LEMD1: variants seen among roughly 807,000 people sequenced by gnomAD.
LEMD1 encodes LEM domain-containing protein 1.
LEMD1 carries 18 observed loss-of-function variants against 17.4 expected under a neutral mutation model. The observed-to-expected ratio is 1.04, with a 90% CI of 0.72 to 1.54. The LOEUF is 1.54. Ranked by LOEUF, LEMD1 falls within the 40% of genes most tolerant of loss-of-function variation. The probability of loss-of-function intolerance (pLI) is 0.00; values close to 1 mark genes in which losing one functional copy is unlikely to be tolerated. For missense variants in LEMD1, 195 were observed against 210.4 expected, an observed-to-expected ratio of 0.93 and a Z score of 0.45; for synonymous variants, 88 against 77.8, an observed-to-expected ratio of 1.13 and a Z score of -0.69.
intron 4 of LEMD1, among the ~76,000 whole-genome samples, chr1:205,402,486 A>G (rs6657247): frequency 0.022 from 3,351 of 152,272 alleles, 138 homozygotes; most frequent in African/African-American, 0.077. Context: ...GAGTTCATTC[A>G]TGATTTGGCT....
At chr1:205,429,906 C>T (rs781014724) in intron 1 of LEMD1, among the ~76,000 whole-genome samples, 1 of 152,160 alleles carries the variant, frequency 6.6e-6, no homozygotes, top group South Asian at 2.1e-4. Context: ...CAGCCGGCAG[C>T]CAGGCCGCGG....
intron 1 of LEMD1, among the ~76,000 whole-genome samples, chr1:205,449,392 GC>G (rs1208680684): frequency 1.3e-5 from 2 of 152,144 alleles, no homozygotes; most frequent in East Asian, 3.9e-4. Flanking sequence ...TCTCCCAGGG[GC>G]CCCCAAGAAG....
intron 4 of LEMD1, among the ~76,000 whole-genome samples, chr1:205,390,734 G>A (rs1348619268): frequency 1.3e-5 from 2 of 152,126 alleles, no homozygotes; most frequent in Non-Finnish European, 2.9e-5. Context: ...ATTCCCAATG[G>A]AGCAAAAATT....
At chr1:205,382,575 A>T (rs7528008) in intron 5 of LEMD1, among the ~76,000 whole-genome samples, 22,790 of 152,110 alleles carry the variant, frequency 0.15, 1,840 homozygotes, top group East Asian at 0.24. Flanking sequence ...TAATTTCAAC[A>T]AGTGATACTA....
rs1485804032 is a variant in LEMD1 at position 205,401,505 on chromosome 1, G to A, written c.270+14727C>T. 2.1e-3 allele frequency among the ~76,000 whole-genome samples: 326 copies of A among 151,894 alleles called. 2 individuals are homozygous for A. Among genetic ancestry groups the A allele is most frequent in the African/African-American group, 7.3e-3 (300 of 41,342 alleles). On this transcript the variant is annotated intron_variant, in intron 4 of 5. Transcript: ENST00000367153. ...CTGCATAAATGTCTTCTTTTGAGAAGTGTCTGTTCATATCCTTTGCCCACT... is the reference window on the plus strand; with the variant it reads ...CTGCATAAATGTCTTCTTTTGAGAAATGTCTGTTCATATCCTTTGCCCACT...
At chr1:205,404,316 A>G (rs1664990767) in intron 4 of LEMD1, among the ~76,000 whole-genome samples, 2 of 151,894 alleles carry the variant, frequency 1.3e-5, no homozygotes, top group South Asian at 4.2e-4. Flanking sequence ...AAAGTCTCCC[A>G]TTATTATTGT....
intron 1 of LEMD1, among the ~76,000 whole-genome samples, chr1:205,433,311 G>C (rs1666153876): frequency 6.6e-6 from 1 of 152,144 alleles, no homozygotes; most frequent in Non-Finnish European, 1.5e-5. Context: ...ACAAAAATTA[G>C]TGAGGCGTGG....
intron 4 of LEMD1, among the ~76,000 whole-genome samples, chr1:205,406,844 A>T (rs1665138313): frequency 6.6e-6 from 1 of 152,158 alleles, no homozygotes. Flanking sequence ...CTATTTGGCC[A>T]TCTTGGCTCC....
Position 205,432,511 on chromosome 1 carries a change from A to G in LEMD1, c.-38-11937T>C, listed in dbSNP as rs560907593. On this transcript the variant is annotated intron_variant, in intron 1 of 3. Transcript: ENST00000367154. ...CAAACCCCAAGAGATCAAAACCTGA[A>G]GTCAAAGAGAGGAAGCACTCATGAA... is the stretch of plus-strand genomic sequence containing the variant. 1.1e-3 allele frequency among the ~76,000 whole-genome samples: 162 copies of G among 152,368 alleles called. 1 individual carries two copies. The highest frequency in any genetic ancestry group is 1.6e-3 in the Non-Finnish European group (112 of 68,036).
rs554993791 is a variant in LEMD1, at chr1:205,420,354, A to G, written c.82+101T>C. 53 of 877,018 alleles carry G rather than the reference A, an allele frequency of 6.0e-5. 1 individual carries two copies. In the African/African-American group the frequency reaches 7.4e-4, roughly 12 times the overall value. 54.3% of individuals were successfully genotyped at this position (877,018 alleles called of 1,614,324 possible). ...GGTTTTCTGTTTTCTCTATGTTCCT[A>G]TTTCTATTTTAATGGCTTTACTGCA... On this transcript the variant is annotated intron_variant, in intron 2 of 5. Transcript: ENST00000367153.
At chr1:205,442,978 A>G (rs1666320728) in intron 1 of LEMD1, among the ~76,000 whole-genome samples, 1 of 152,128 alleles carries the variant, frequency 6.6e-6, no homozygotes, top group South Asian at 2.1e-4. Context: ...GTGTACCAGG[A>G]GATTAGGCAA....
chr1:205,384,582 G>A (rs1663896657), intron 4 of LEMD1, among the ~76,000 whole-genome samples: 1 of 152,160 alleles, frequency 6.6e-6, no homozygotes, highest in African/African-American at 2.4e-5. Context: ...TGACTCGCAT[G>A]AGAACAATAC....
intron 1 of LEMD1, among the ~76,000 whole-genome samples, chr1:205,431,069 C>T (rs1434217592): frequency 6.6e-6 from 1 of 152,112 alleles, no homozygotes; most frequent in East Asian, 1.9e-4. Context: ...GGGGGTGGGG[C>T]GGAGGACCCC....
chr1:205,417,392 AG>A (rs1371750575), intron 3 of LEMD1, among the ~76,000 whole-genome samples: 2 of 152,194 alleles, frequency 1.3e-5, no homozygotes, highest in Non-Finnish European at 2.9e-5. Flanking sequence ...AGACCACAAC[AG>A]CTTGGTTTTG....
At chr1:205,413,739 G>T (rs2102420664) in intron 4 of LEMD1, among the ~76,000 whole-genome samples, 1 of 148,986 alleles carries the variant, frequency 6.7e-6, no homozygotes, top group Non-Finnish European at 1.5e-5. Context: ...TGCAACCTCT[G>T]CCTCCCGAGT....
At chr1:205,387,317 A>G (rs1009456825) in intron 4 of LEMD1, 13 of 152,148 alleles carry the variant, frequency 8.5e-5, no homozygotes, top group Admixed American at 2.6e-4. Context: ...AGCATTATTG[A>G]TTAGTGTTAA....
At chr1:205,419,120 T>A (rs1293857845) in intron 3 of LEMD1, 110 bp downstream of exon 3, 1 of 1,278,826 alleles carries the variant, frequency 7.8e-7, no homozygotes, top group African/African-American at 1.5e-5. Flanking sequence ...AGAGGCCCTA[T>A]GGCTATTTCA....
At position 205,410,055 on chromosome 1, in the gene LEMD1, C is replaced by T. The variant is rs553300644; in HGVS notation, c.270+6177G>A. On this transcript the variant is annotated intron_variant, in intron 4 of 5. Transcript: ENST00000367153. ...CCTCCCAAAGTGCTGGGATTACAGG[C>T]GTGAGCCACCGTGCCCAGCCCCCAG... Among the ~76,000 whole-genome samples, 8 of 152,174 alleles carry T rather than the reference C, an allele frequency of 5.3e-5. No homozygotes were observed. In the East Asian group the frequency reaches 1.4e-3, roughly 26 times the overall value.
intron 3 of LEMD1, among the ~76,000 whole-genome samples, chr1:205,417,023 T>G (rs16855546): frequency 0.056 from 8,549 of 152,252 alleles, 320 homozygotes; most frequent in Non-Finnish European, 0.085. Context: ...ACTAGGTGTT[T>G]CCATGAAAGG....
Sources: allele counts gnomAD v4.1 joint callset (sites outside exome capture counted in the v4.1 genomes callset), GRCh38; gene constraint gnomAD v4.1.1; transcripts MANE v1.5; gene names NCBI Gene and HGNC (gene_info 2026-07-23, HGNC 2026-07-21).